Variants in MB21D2 observed in about 807,000 individuals in gnomAD.
The protein encoded by MB21D2 is Mab-21 domain containing 2.
MB21D2 carries 9 observed loss-of-function variants against 33.3 expected under a neutral mutation model. That is an observed-to-expected ratio of 0.27 (90% confidence interval 0.16 to 0.47). MB21D2 has a LOEUF of 0.47. MB21D2 is among the 20% of genes least tolerant of loss of function. The pLI, the probability that MB21D2 is intolerant of heterozygous loss-of-function variation, is 0.99. For synonymous variants in MB21D2, 241 were observed against 236.3 expected, an observed-to-expected ratio of 1.02 and a Z score of -0.18; for missense variants, 540 against 624.6, an observed-to-expected ratio of 0.86 and a Z score of 1.44.
At chr3:192,896,210 A>C (rs1407780594) in intron 1 of MB21D2, among the ~76,000 whole-genome samples, 1 of 152,212 alleles carries the variant, frequency 6.6e-6, no homozygotes, top group Admixed American at 6.5e-5. Context: ...CCCTGTTACA[A>C]TGACAAGGAA....
At chr3:192,825,478 T>TA (rs1162371598) in intron 1 of MB21D2, among the ~76,000 whole-genome samples, 1 of 147,920 alleles carries the variant, frequency 6.8e-6, no homozygotes, top group African/African-American at 2.7e-5. Context: ...GCCCATGAAA[T>TA]AAAAAGAAAA....
intron 1 of MB21D2, among the ~76,000 whole-genome samples, chr3:192,852,013 A>T (rs1712816813): frequency 6.6e-6 from 1 of 152,256 alleles, no homozygotes; most frequent in Non-Finnish European, 1.5e-5. Context: ...AATGATTGGC[A>T]AACTTGGGCA....
chr3:192,869,282 G>A (rs1713236093), intron 1 of MB21D2, among the ~76,000 whole-genome samples: 2 of 116,158 alleles, frequency 1.7e-5, no homozygotes, highest in Admixed American at 7.9e-5. Context: ...AGGAAGGAAG[G>A]AAGGAGGGGA....
chr3:192,852,811 C>T (rs1712835241), intron 1 of MB21D2, among the ~76,000 whole-genome samples: 1 of 152,204 alleles, frequency 6.6e-6, no homozygotes, highest in African/African-American at 2.4e-5. Flanking sequence ...ACCCCCACTT[C>T]CAGTCACTTT....
intron 1 of MB21D2, among the ~76,000 whole-genome samples, chr3:192,901,005 TG>T (rs1302840701): frequency 5.3e-5 from 8 of 150,896 alleles, no homozygotes; most frequent in African/African-American, 1.9e-4. Flanking sequence ...TGATGAAGGA[TG>T]GATGTATGAA....
chr3:192,850,790 A>G (rs780040535), intron 1 of MB21D2, among the ~76,000 whole-genome samples: 28 of 152,208 alleles, frequency 1.8e-4, no homozygotes, highest in Non-Finnish European at 3.7e-4. Flanking sequence ...GCACACTGTA[A>G]CAGACACCCA....
chr3:192,832,979 A>C (rs2108621515), intron 1 of MB21D2, among the ~76,000 whole-genome samples: 1 of 152,268 alleles, frequency 6.6e-6, no homozygotes, highest in East Asian at 1.9e-4. Flanking sequence ...ATTTCCTGTG[A>C]GATGTTAGCT....
chr3:192,800,801 C>T (rs1233910623), intron 1 of MB21D2, among the ~76,000 whole-genome samples: 2 of 152,090 alleles, frequency 1.3e-5, no homozygotes, highest in Non-Finnish European at 2.9e-5. Flanking sequence ...AAAACTATGG[C>T]TATTTAGATT....
At chr3:192,877,703 C>G (rs1334206925) in intron 1 of MB21D2, among the ~76,000 whole-genome samples, 1 of 152,218 alleles carries the variant, frequency 6.6e-6, no homozygotes, top group Non-Finnish European at 1.5e-5. Context: ...GAATCTAGCT[C>G]AAACTCCTAT....
At chr3:192,907,232 A>G (rs1402182503) in intron 1 of MB21D2, among the ~76,000 whole-genome samples, 1 of 152,204 alleles carries the variant, frequency 6.6e-6, no homozygotes, top group Non-Finnish European at 1.5e-5. Context: ...CACAAGCCCT[A>G]AGGATGAGTT....
In MB21D2 at chr3:192,857,685, A is replaced by C. The variant is rs887058204; in HGVS notation, c.212-58035T>G. ...TTGTGGGTTAGGAAGGCATATGATC[A>C]ATCCTGACTCTGCCTTCCATGCAGA... On this transcript the variant is annotated intron_variant, in intron 1 of 1. Transcript: ENST00000392452. 6.5e-4 allele frequency among the ~76,000 whole-genome samples: 99 copies of C among 152,140 alleles called. 1 individual carries two copies. Among genetic ancestry groups the C allele is most frequent in the Admixed American group, 6.5e-3 (99 of 15,276 alleles).
chr3:192,827,191 C>T (rs897816192), intron 1 of MB21D2, among the ~76,000 whole-genome samples: 12 of 152,172 alleles, frequency 7.9e-5, no homozygotes, highest in Admixed American at 2.0e-4. Context: ...CCACTGCGCC[C>T]GGCACCCTGT....
In MB21D2 at chr3:192,797,581, T is replaced by C. The variant is rs369621026; in HGVS notation, c.*805A>G. ...AATTTCGAGAGTGGTTGTTAATTTA[T>C]ATTGAAACACACTTTGCAATTCTGA... On this transcript the variant is annotated 3_prime_UTR_variant, in exon 2 of 2. Coordinates refer to ENST00000392452, the MANE Select transcript of MB21D2 (RefSeq NM_178496.4). The C allele has an allele frequency of 6.5e-6, 1 of 152,676 alleles. No homozygotes were observed. The highest frequency in any genetic ancestry group is 1.5e-5 in the Non-Finnish European group (1 of 68,050). 9.5% of individuals were successfully genotyped at this position (152,676 alleles called of 1,614,324 possible). A position where few individuals can be genotyped will look rare whatever the true frequency, so the allele number is the denominator to read the frequency against.
At chr3:192,837,915 C>T (rs901284568) in intron 1 of MB21D2, among the ~76,000 whole-genome samples, 1 of 152,188 alleles carries the variant, frequency 6.6e-6, no homozygotes. Context: ...TCTATTTCTA[C>T]ATTAGTTTTC....
chr3:192,852,110 G>C (rs1319614845), intron 1 of MB21D2, among the ~76,000 whole-genome samples: 2 of 152,162 alleles, frequency 1.3e-5, no homozygotes, highest in African/African-American at 4.8e-5. Context: ...TGCCAACAGG[G>C]GAAATGATCA....
chr3:192,916,098 T>TTTTATA (rs111341877), intron 1 of MB21D2, among the ~76,000 whole-genome samples: 15 of 139,176 alleles, frequency 1.1e-4, no homozygotes, highest in Admixed American at 7.8e-4. Context: ...CTACCAGGTT[T>TTTTATA]TATATATATA....
intron 1 of MB21D2, among the ~76,000 whole-genome samples, chr3:192,806,439 T>C (rs1038485003): frequency 1.3e-5 from 2 of 152,140 alleles, no homozygotes; most frequent in African/African-American, 2.4e-5. Context: ...GATTGAAAAA[T>C]AGCCACCTAT....
At chr3:192,820,550 T>C (rs1052126328) in intron 1 of MB21D2, among the ~76,000 whole-genome samples, 1 of 152,254 alleles carries the variant, frequency 6.6e-6, no homozygotes, top group Non-Finnish European at 1.5e-5. Flanking sequence ...TCTTCTGTTA[T>C]TGATTCTCGC....
At position 192,798,579 on chromosome 3, in the gene MB21D2, A is replaced by T. The variant is rs1408605078; in HGVS notation, c.1283T>A (p.Leu428His). The T allele has an allele frequency of 6.2e-7, 1 of 1,614,112 alleles. No homozygotes were observed. The highest frequency in any genetic ancestry group is 1.1e-5 in the South Asian group (1 of 91,076). Residue 428 changes from leucine to histidine, a missense_variant, in exon 2 of 2, where the codon CTC becomes CAC. Leu to His is a moderately conservative substitution (Grantham distance 99). Transcript: ENST00000392452. This position sits in a 1 kb window ranked among gnomAD's most constrained non-coding sequence, Gnocchi z 4.8. ...GCTGGTGGTGCTACCTCGCCTCTGG[A>T]GCTCCAGTGTCAGCCGGTTGGCTGC... ...VKAANRLTLELQRRGSTTSIP... is the reference protein window; with the variant it reads ...VKAANRLTLEHQRRGSTTSIP...
Sources: gnomAD v4.1 joint callset for allele counts (sites outside exome capture counted in the v4.1 genomes callset) on GRCh38, gnomAD v4.1.1 for gene constraint, Gnocchi (gnomAD v3.1) non-coding constraint, MANE v1.5 for transcripts, NCBI Gene and HGNC (gene_info 2026-07-23, HGNC 2026-07-21) for gene names.